OPRM1: variants seen among roughly 807,000 people sequenced by gnomAD.
The protein encoded by OPRM1 is opioid receptor mu 1, also known as mu-type opioid receptor.
In OPRM1, 27 loss-of-function variants were observed where a neutral mutation model predicts 31.8. The ratio of observed to expected loss-of-function variants is 0.85; its 90% CI spans 0.63 to 1.17. OPRM1 has a LOEUF of 1.17. Among genes scored for constraint, OPRM1 ranks in the 50% most tolerant of loss-of-function variants. The pLI, the probability that OPRM1 is intolerant of heterozygous loss-of-function variation, is 0.00. For synonymous variants in OPRM1, 196 were observed against 189.9 expected, an observed-to-expected ratio of 1.03 and a Z score of -0.26; for missense variants, 536 against 511.1, an observed-to-expected ratio of 1.05 and a Z score of -0.47.
chr6:154,070,428 T>G (rs1786436339), intron 1 of OPRM1, among the ~76,000 whole-genome samples: 1 of 152,234 alleles, frequency 6.6e-6, no homozygotes, highest in Admixed American at 6.5e-5. Context: ...TACTCATCCA[T>G]CTGCCCAGAA....
chr6:154,105,486 C>T lies in OPRM1; in HGVS notation c.1165-13197C>T, dbSNP rs150075807. Among the ~76,000 whole-genome samples the T allele has an allele frequency of 9.1e-3, 1,391 of 152,232 alleles. 19 individuals carry two copies. The highest frequency in any genetic ancestry group is 0.032 in the African/African-American group (1,335 of 41,542). On this transcript the variant is annotated intron_variant, in intron 3 of 3. Coordinates refer to ENST00000330432, the MANE Select transcript of OPRM1 (RefSeq NM_000914.5). The stretch of plus-strand genomic sequence containing the variant: ...CTAATGTTACAATTTCCAAAGTTAT[C>T]AGAAACTTGCATTTAAGAACACCTG...
At chr6:154,103,646 G>T (rs931422950) in intron 3 of OPRM1, among the ~76,000 whole-genome samples, 28 of 152,126 alleles carry the variant, frequency 1.8e-4, no homozygotes, top group African/African-American at 6.5e-4. Context: ...GAGGGCTTCT[G>T]GTGGCCCATT....
intron 3 of OPRM1, chr6:154,159,994 G>GGGTCATCCAGCAACT: frequency 6.2e-7 from 1 of 1,612,550 alleles, no homozygotes; most frequent in East Asian, 2.2e-5. Context: ...TGTCAGCTTC[G>GGGTCATCCAGCAACT]GGTCATCCAG....
chr6:154,212,362 T>A (rs1212377195), intron 3 of OPRM1, among the ~76,000 whole-genome samples: 1 of 152,258 alleles, frequency 6.6e-6, no homozygotes, highest in Non-Finnish European at 1.5e-5. Context: ...GCTCTCCTTT[T>A]TTCTTTCTGC....
At chr6:154,237,003 A>G in intron 3 of OPRM1, among the ~76,000 whole-genome samples, 1 of 152,166 alleles carries the variant, frequency 6.6e-6, no homozygotes, top group Non-Finnish European at 1.5e-5. Context: ...TTTCCTCTCT[A>G]TGGTTTCCTT....
At chr6:154,226,646 T>A (rs1779274944) in intron 3 of OPRM1, among the ~76,000 whole-genome samples, 1 of 152,208 alleles carries the variant, frequency 6.6e-6, no homozygotes, top group South Asian at 2.1e-4. Context: ...TCCTTCTCTA[T>A]AATTCTGCTG....
At chr6:154,150,912 T>C (rs901036390) in intron 3 of OPRM1, among the ~76,000 whole-genome samples, 3 of 152,254 alleles carry the variant, frequency 2.0e-5, no homozygotes, top group African/African-American at 7.2e-5. Context: ...AAATTGTTAA[T>C]AGACCTGAGC....
chr6:154,081,771 G>A (rs915196345), intron 1 of OPRM1, among the ~76,000 whole-genome samples: 3 of 152,168 alleles, frequency 2.0e-5, no homozygotes, highest in African/African-American at 7.2e-5. Flanking sequence ...AGAAATACAC[G>A]TGGCCCACAA....
At chr6:154,110,632 T>C (rs1422115923) in intron 3 of OPRM1, among the ~76,000 whole-genome samples, 6 of 152,088 alleles carry the variant, frequency 3.9e-5, no homozygotes, top group Admixed American at 3.3e-4. Flanking sequence ...CTCAAGCCTG[T>C]AATCCCAGCA....
chr6:154,058,198 T>C (rs1273230878), intron 1 of OPRM1, among the ~76,000 whole-genome samples: 3 of 152,332 alleles, frequency 2.0e-5, no homozygotes, highest in Admixed American at 6.5e-5. Context: ...CTTGCTTTTA[T>C]GCATCTTTAA....
chr6:154,200,079 C>T (rs1295311477), intron 3 of OPRM1: 2 of 1,537,816 alleles, frequency 1.3e-6, no homozygotes, highest in Middle Eastern at 1.8e-4. Flanking sequence ...GAATAAAAGA[C>T]ATCATGATTA....
At chr6:154,105,526 T>G (rs529572343) in intron 3 of OPRM1, among the ~76,000 whole-genome samples, 1 of 152,212 alleles carries the variant, frequency 6.6e-6, no homozygotes, top group Non-Finnish European at 1.5e-5. Flanking sequence ...AGTTCTATAG[T>G]TGATTATAAA....
Position 154,075,736 on chromosome 6 carries a change from C to T in OPRM1, c.291-14090C>T, listed in dbSNP as rs575131425. Among the ~76,000 whole-genome samples the T allele has an allele frequency of 1.5e-3, 229 of 152,284 alleles. 1 individual carries two copies. Among genetic ancestry groups the T allele is most frequent in the African/African-American group, 5.3e-3 (222 of 41,554 alleles). On this transcript the variant is annotated intron_variant, in intron 1 of 3. Coordinates refer to ENST00000330432, the MANE Select transcript of OPRM1 (RefSeq NM_000914.5). ...AATAAGCATTTCGAGTGCTCCTATGCAGAGGGCTTGAAGACTTGGAAGACT... is the reference window on the plus strand; with the variant it reads ...AATAAGCATTTCGAGTGCTCCTATGTAGAGGGCTTGAAGACTTGGAAGACT...
At chr6:154,246,514 C>T (rs1359962847) in intron 3 of OPRM1, 13 of 1,464,364 alleles carry the variant, frequency 8.9e-6, no homozygotes, top group Non-Finnish European at 9.2e-7. Context: ...AATGAACTTT[C>T]CCATAGGGAT....
chr6:154,198,011 C>A (rs1458804397), intron 3 of OPRM1, among the ~76,000 whole-genome samples: 4 of 152,150 alleles, frequency 2.6e-5, no homozygotes, highest in Non-Finnish European at 5.9e-5. Context: ...TGCTTAAATT[C>A]TCTCTTCAGT....
intron 1 of OPRM1, among the ~76,000 whole-genome samples, chr6:154,048,957 A>T (rs192707746): frequency 5.9e-5 from 9 of 152,250 alleles, no homozygotes; most frequent in African/African-American, 2.2e-4. Flanking sequence ...TTATGACTAC[A>T]GAATTCGTGA....
rs77696469 is a variant in OPRM1 at position 154,118,856 on chromosome 6, C to G, written c.*135C>G. The G allele has an allele frequency of 7.3e-6, 11 of 1,506,530 alleles. No homozygotes were observed. The highest frequency in any genetic ancestry group is 2.2e-5 in the Admixed American group (1 of 44,854). The allele number at this position is 1,506,530 out of a possible 1,614,324, so 93.3% of individuals were successfully genotyped here. On this transcript the variant is annotated 3_prime_UTR_variant, in exon 4 of 4. Transcript: ENST00000330432. ...GCTTTTAGGTCATCCAACCTCTTTCCTCTCTGGCCACTCTGCTCTGCACAT... is the reference window on the plus strand; with the variant it reads ...GCTTTTAGGTCATCCAACCTCTTTCGTCTCTGGCCACTCTGCTCTGCACAT...
At chr6:154,074,245 CATAGTAT>C (rs1464149032) in intron 1 of OPRM1, 1 of 152,084 alleles carries the variant, frequency 6.6e-6, no homozygotes, top group African/African-American at 2.4e-5. Context: ...TGAAGATAGT[CATAGTAT>C]ATACCTTATA....
chr6:154,070,079 T>C (rs1384487582), intron 1 of OPRM1, among the ~76,000 whole-genome samples: 1 of 152,168 alleles, frequency 6.6e-6, no homozygotes, highest in Non-Finnish European at 1.5e-5. Flanking sequence ...TATCTGCCTT[T>C]GTGTCTGCCT....
Sources: allele counts gnomAD v4.1 joint callset (sites outside exome capture counted in the v4.1 genomes callset), GRCh38; gene constraint gnomAD v4.1.1; transcripts MANE v1.5; gene names NCBI Gene and HGNC (gene_info 2026-07-23, HGNC 2026-07-21).